Variants in TTC29 observed in about 807,000 individuals in gnomAD.
TTC29 encodes the protein tetratricopeptide repeat domain 29.
TTC29 carries 49 observed loss-of-function variants against 58.1 expected under a neutral mutation model. The ratio of observed to expected loss-of-function variants is 0.84; its 90% CI spans 0.67 to 1.07. The LOEUF is 1.07. TTC29 is among the 50% of genes least tolerant of loss of function. The probability of loss-of-function intolerance (pLI) is 0.00; values close to 1 mark genes in which losing one functional copy is unlikely to be tolerated. For missense variants in TTC29, 582 were observed against 555.6 expected (o/e 1.05, Z -0.48); for synonymous variants, 209 against 196.8 (o/e 1.06, Z -0.52).
chr4:146,831,428 T>A (rs1728153149), intron 9 of TTC29, among the ~76,000 whole-genome samples: 1 of 152,208 alleles, frequency 6.6e-6, no homozygotes, highest in Non-Finnish European at 1.5e-5. Flanking sequence ...ATTAGTTTAC[T>A]TGGCATAAAA....
rs148006507 is a variant in TTC29 at position 146,710,127 on chromosome 4, A to G, written c.1331-2576T>C. 1.7e-3 allele frequency among the ~76,000 whole-genome samples: 253 copies of G among 152,292 alleles called. 1 individual carries two copies. The highest frequency in any genetic ancestry group is 5.0e-3 in the African/African-American group (207 of 41,568). On this transcript the variant is annotated intron_variant, in intron 11 of 12. Coordinates refer to ENST00000325106, the MANE Select transcript of TTC29 (RefSeq NM_031956.4). Reference sequence around the variant, plus strand: ...TCAAGTGTCACTTAACGACAAGAATACCTTCTAAGAAATGAGTCATTAGGT... The same window carrying G: ...TCAAGTGTCACTTAACGACAAGAATGCCTTCTAAGAAATGAGTCATTAGGT...
At chr4:146,713,220 T>C (rs1162848790) in intron 11 of TTC29, among the ~76,000 whole-genome samples, 26 of 151,896 alleles carry the variant, frequency 1.7e-4, no homozygotes. Context: ...CATTTAGTCA[T>C]GTGAAGTGTG....
At chr4:146,842,043 T>A (rs1728883843) in intron 8 of TTC29, among the ~76,000 whole-genome samples, 1 of 152,086 alleles carries the variant, frequency 6.6e-6, no homozygotes, top group South Asian at 2.1e-4. Flanking sequence ...TCTGCATATG[T>A]TTTAGGTTGC....
At chr4:146,932,014 T>C (rs1185871459) in intron 4 of TTC29, among the ~76,000 whole-genome samples, 2 of 152,154 alleles carry the variant, frequency 1.3e-5, no homozygotes, top group African/African-American at 4.8e-5. Context: ...CCCTTCCTTC[T>C]CTTTCTTTTC....
chr4:146,764,425 T>A (rs1243874494), intron 11 of TTC29, among the ~76,000 whole-genome samples: 1 of 152,014 alleles, frequency 6.6e-6, no homozygotes, highest in Non-Finnish European at 1.5e-5. Flanking sequence ...GATAGTATCA[T>A]ATCCTACCAC....
At chr4:146,742,626 T>TCCCTCCCTC (rs869041187) in intron 11 of TTC29, among the ~76,000 whole-genome samples, 1 of 142,322 alleles carries the variant, frequency 7.0e-6, no homozygotes, top group Non-Finnish European at 1.5e-5. Flanking sequence ...CTCCCTTCCT[T>TCCCTCCCTC]CCTTCGTTTC....
intron 10 of TTC29, among the ~76,000 whole-genome samples, chr4:146,804,116 G>T (rs1269174225): frequency 6.6e-6 from 1 of 152,170 alleles, no homozygotes; most frequent in East Asian, 1.9e-4. Flanking sequence ...GCAGGGTGGG[G>T]CATTGCTTCA....
intron 11 of TTC29, among the ~76,000 whole-genome samples, chr4:146,723,431 C>T (rs1354007419): frequency 6.6e-6 from 1 of 152,072 alleles, no homozygotes; most frequent in African/African-American, 2.4e-5. Context: ...GCAAAATAAA[C>T]TATCAACAGA....
chr4:146,944,969 G>A (rs1736793401), intron 2 of TTC29, 62 bp downstream of exon 2: 1 of 152,012 alleles, frequency 6.6e-6, no homozygotes, highest in Admixed American at 6.5e-5. Flanking sequence ...GACATTGATG[G>A]CTAAATCACA....
chr4:146,809,851 G>GT (rs1750892110), intron 10 of TTC29, among the ~76,000 whole-genome samples: 1 of 149,878 alleles, frequency 6.7e-6, no homozygotes. Context: ...AGAAGACAGG[G>GT]TGGCAATTTC....
intron 11 of TTC29, among the ~76,000 whole-genome samples, chr4:146,760,800 C>CTA (rs371961212): frequency 0.3 from 32,988 of 108,762 alleles, 5,943 homozygotes; most frequent in African/African-American, 0.4. Context: ...TGATGGAATA[C>CTA]TATATATATA....
intron 10 of TTC29, among the ~76,000 whole-genome samples, chr4:146,811,628 T>C (rs2150129045): frequency 1.3e-5 from 2 of 152,314 alleles, no homozygotes; most frequent in Middle Eastern, 3.4e-3. Context: ...CAGTTTCTAA[T>C]ATTTTATGAA....
chr4:146,924,317 C>T (rs79021851), intron 4 of TTC29, among the ~76,000 whole-genome samples: 3 of 151,546 alleles, frequency 2.0e-5, no homozygotes, highest in African/African-American at 4.8e-5. Context: ...TTGAAGAGTT[C>T]GTGTTGAGTT....
chr4:146,857,433 T>C (rs1248844866), intron 8 of TTC29, among the ~76,000 whole-genome samples: 2 of 152,038 alleles, frequency 1.3e-5, no homozygotes, highest in Non-Finnish European at 2.9e-5. Flanking sequence ...ATAAAGCAGA[T>C]GAAAACTCTG....
At chr4:146,898,525 G>A (rs868578) in intron 6 of TTC29, among the ~76,000 whole-genome samples, 14,781 of 152,198 alleles carry the variant, frequency 0.097, 894 homozygotes, top group East Asian at 0.19. Context: ...TTAGATTATG[G>A]TTAGCCTTTA....
chr4:146,891,368 G>T (rs1352648537), intron 6 of TTC29, among the ~76,000 whole-genome samples: 2 of 152,114 alleles, frequency 1.3e-5, no homozygotes, highest in Non-Finnish European at 2.9e-5. Flanking sequence ...AGGCTATAGA[G>T]CTATAGGTAG....
At chr4:146,878,944 C>T (rs1195919185) in intron 6 of TTC29, among the ~76,000 whole-genome samples, 1 of 152,140 alleles carries the variant, frequency 6.6e-6, no homozygotes, top group Non-Finnish European at 1.5e-5. Flanking sequence ...GGCCTCATCT[C>T]ACTATTCATG....
At chr4:146,726,701 C>A (rs1158482643) in intron 11 of TTC29, among the ~76,000 whole-genome samples, 2 of 152,050 alleles carry the variant, frequency 1.3e-5, no homozygotes, top group African/African-American at 4.8e-5. Context: ...GCCACCTTTT[C>A]TAAATTATAA....
intron 9 of TTC29, among the ~76,000 whole-genome samples, chr4:146,824,330 GA>G (rs1727608300): frequency 6.6e-6 from 1 of 151,926 alleles, no homozygotes; most frequent in Admixed American, 6.6e-5. Flanking sequence ...GTATTTTATC[GA>G]AGGCCTTTTC....
Sources: allele counts gnomAD v4.1 joint callset (sites outside exome capture counted in the v4.1 genomes callset), GRCh38; gene constraint gnomAD v4.1.1; transcripts MANE v1.5; gene names NCBI Gene and HGNC (gene_info 2026-07-23, HGNC 2026-07-21).